Variants in GAPVD1 observed in about 807,000 individuals in gnomAD.
GAPVD1 encodes the protein GTPase activating protein and VPS9 domains 1.
A neutral mutation model predicts 155.5 loss-of-function variants in GAPVD1; 35 were observed. The observed-to-expected ratio is 0.23, with a 90% CI of 0.17 to 0.30. GAPVD1 has a LOEUF of 0.30. Ranked by LOEUF, GAPVD1 falls within the 10% of genes least tolerant of loss-of-function variation. The pLI is 1.00. For missense variants in GAPVD1, 1,429 were observed against 1,775.7 expected, an observed-to-expected ratio of 0.80 and a Z score of 3.51; for synonymous variants, 636 against 619.7, an observed-to-expected ratio of 1.03 and a Z score of -0.39.
intron 2 of GAPVD1, among the ~76,000 whole-genome samples, chr9:125,290,890 G>A (rs546755449): frequency 6.6e-6 from 1 of 151,728 alleles, no homozygotes; most frequent in East Asian, 1.9e-4. Context: ...GCCTCTGGAT[G>A]CTGAGGTAGA....
At chr9:125,263,111 T>TA (rs1833206057) in intron 1 of GAPVD1, among the ~76,000 whole-genome samples, 1 of 152,232 alleles carries the variant, frequency 6.6e-6, no homozygotes, top group Admixed American at 6.5e-5. Flanking sequence ...TGTATTTAAT[T>TA]ATGCACTTAA....
intron 3 of GAPVD1, among the ~76,000 whole-genome samples, chr9:125,296,101 T>C (rs1315056993): frequency 6.6e-6 from 1 of 152,094 alleles, no homozygotes; most frequent in Non-Finnish European, 1.5e-5. Context: ...TATATTTAGC[T>C]ATATTTAAAA....
chr9:125,340,531 T>C (rs1279974446), intron 17 of GAPVD1, among the ~76,000 whole-genome samples: 5 of 152,172 alleles, frequency 3.3e-5, no homozygotes, highest in Admixed American at 6.5e-5. Flanking sequence ...ACTGTAAAGA[T>C]TAAATGAGAT....
At chr9:125,336,299 AAAAAAAC>A (rs954533659) in intron 15 of GAPVD1, among the ~76,000 whole-genome samples, 14 of 151,206 alleles carry the variant, frequency 9.3e-5, no homozygotes, top group African/African-American at 1.9e-4. Context: ...CCAAAAAAAA[AAAAAAAC>A]AAAAAACAAA....
At chr9:125,353,245 G>A (rs1025740492) in intron 23 of GAPVD1, among the ~76,000 whole-genome samples, 1 of 152,120 alleles carries the variant, frequency 6.6e-6, no homozygotes, top group African/African-American at 2.4e-5. Context: ...TAGGGCAAGG[G>A]CAAAATGCCA....
chr9:125,294,677 T>C (rs1226067109), intron 2 of GAPVD1, among the ~76,000 whole-genome samples: 5 of 151,438 alleles, frequency 3.3e-5, no homozygotes, highest in Non-Finnish European at 5.9e-5. Context: ...TTTCAAACTT[T>C]CCTATGGTGC....
intron 3 of GAPVD1, among the ~76,000 whole-genome samples, chr9:125,297,934 C>T (rs921466162): frequency 3.9e-5 from 6 of 152,060 alleles, no homozygotes; most frequent in East Asian, 3.9e-4. Context: ...TTAGTAGAAA[C>T]GGGGTTTCAT....
rs1157752085 is a variant in GAPVD1 at position 125,354,805 on chromosome 9, G to A, written c.3721G>A (p.Glu1241Lys). ...CACTGTCTGTGTGAGATTACTGCTTGAGAGCAAAGAAAAGAAGATCAGGGA... is the reference window on the plus strand; with the variant it reads ...CACTGTCTGTGTGAGATTACTGCTTAAGAGCAAAGAAAAGAAGATCAGGGA... ...FTTVCVRLLLESKEKKIREFI... is the reference protein window; with the variant it reads ...FTTVCVRLLLKSKEKKIREFI... Residue 1241 changes from glutamate (E) to lysine (K), a missense_variant, in exon 24 of 28, where the codon GAG becomes AAG. Glu to Lys is a moderately conservative substitution (Grantham distance 56). Around this residue, in one of 4 missense-constraint regions of GAPVD1, gnomAD observed 699 missense variants for 826.0 expected, o/e 0.85. Coordinates refer to ENST00000297933, the MANE Select transcript of GAPVD1 (RefSeq NM_001282680.3). 28 of 1,613,794 alleles carry A rather than the reference G, an allele frequency of 1.7e-5. No homozygotes were observed. Among genetic ancestry groups the A allele is most frequent in the Non-Finnish European group, 2.2e-5 (26 of 1,179,810 alleles).
At chr9:125,293,852 T>TTATATATATAAATATATTATATATA (rs1839179851) in intron 2 of GAPVD1, among the ~76,000 whole-genome samples, 1 of 35,196 alleles carries the variant, frequency 2.8e-5, no homozygotes, top group African/African-American at 1.6e-4. Context: ...AAAATATATT[T>TTATATATATAAATATATTATATATA]TATATATATA....
chr9:125,275,342 C>T (rs1835599330), intron 2 of GAPVD1, among the ~76,000 whole-genome samples: 1 of 152,228 alleles, frequency 6.6e-6, no homozygotes, highest in Non-Finnish European at 1.5e-5. Flanking sequence ...TCCCAAAATG[C>T]TGGGATTACA....
chr9:125,305,072 C>T lies in GAPVD1; in HGVS notation c.1039C>T (p.Leu347Phe), dbSNP rs779014805. 6.2e-7 allele frequency: 1 copy of T among 1,613,474 alleles called. No homozygotes were observed. Among genetic ancestry groups the T allele is most frequent in the African/African-American group, 1.3e-5 (1 of 74,914 alleles). Residue 347 changes from leucine (L) to phenylalanine (F), a missense_variant, in exon 6 of 28, where the codon CTT becomes TTT. By Grantham distance (22) the Leu-to-Phe change is conservative. Around this residue, in one of 4 missense-constraint regions of GAPVD1, gnomAD observed 628 missense variants for 733.4 expected, o/e 0.86. Coordinates refer to ENST00000297933, the MANE Select transcript of GAPVD1 (RefSeq NM_001282680.3). ...CTGCTTTGGGTTGCAGGTAGGCCGC[C>T]TTTTGCAGCAGTTAGCAATGACTGG... ...ARFNLMQVGR[L>F]LQQLAMTGSE... is the part of the protein sequence containing the mutation.
At chr9:125,269,283 T>C (rs1834488251) in intron 2 of GAPVD1, among the ~76,000 whole-genome samples, 1 of 152,142 alleles carries the variant, frequency 6.6e-6, no homozygotes, top group Non-Finnish European at 1.5e-5. Flanking sequence ...AATTTTCAAA[T>C]GTTTAGTTGA....
Position 125,342,365 on chromosome 9 carries a change from T to A in GAPVD1, c.3046+66T>A, listed in dbSNP as rs1003375826. 1.9e-5 allele frequency: 17 copies of A among 899,046 alleles called. No individual in the cohort carries two copies. In the Admixed American group the frequency reaches 2.3e-4, roughly 12 times the overall value. The allele number at this position is 899,046 out of a possible 1,614,324, so 55.7% of individuals were successfully genotyped here. A position where few individuals can be genotyped will look rare whatever the true frequency, so the allele number is the denominator to read the frequency against. ...AGCACATATTTCATAACACTTTTTCTTGGGTGCCATAAGCGTTGCCTTTCT... is the reference window on the plus strand; with the variant it reads ...AGCACATATTTCATAACACTTTTTCATGGGTGCCATAAGCGTTGCCTTTCT... On this transcript the variant is annotated intron_variant, in intron 19 of 27. Coordinates refer to ENST00000297933, the MANE Select transcript of GAPVD1 (RefSeq NM_001282680.3).
chr9:125,277,841 AT>A (rs949427928), intron 2 of GAPVD1, among the ~76,000 whole-genome samples: 1 of 151,680 alleles, frequency 6.6e-6, no homozygotes, highest in African/African-American at 2.4e-5. Context: ...TAATTTTTAA[AT>A]TTTTTTATAG....
intron 2 of GAPVD1, among the ~76,000 whole-genome samples, chr9:125,287,500 C>T (rs1837895289): frequency 6.6e-6 from 1 of 152,068 alleles, no homozygotes; most frequent in African/African-American, 2.4e-5. Context: ...AGAGCAAGAC[C>T]TTGTCTCAAA....
chr9:125,303,531 C>G (rs1341785016), intron 5 of GAPVD1, among the ~76,000 whole-genome samples: 1 of 150,752 alleles, frequency 6.6e-6, no homozygotes, highest in African/African-American at 2.4e-5. Flanking sequence ...AATCCCAGCA[C>G]TTTGGGAGGC....
In GAPVD1 at chr9:125,263,215, C is replaced by T. The variant is rs186168446; in HGVS notation, c.-199+1256C>T. 2.3e-3 allele frequency among the ~76,000 whole-genome samples: 345 copies of T among 152,286 alleles called. 2 individuals are homozygous for T. The highest frequency in any genetic ancestry group is 3.3e-3 in the Non-Finnish European group (226 of 68,024). ...GAACTCCTGAAATAATTTGGGAGGC[C>T]GAGGCGGGCGGATCATTGAGGTCAA... On this transcript the variant is annotated intron_variant, in intron 1 of 27. Coordinates refer to ENST00000297933, the MANE Select transcript of GAPVD1 (RefSeq NM_001282680.3).
At chr9:125,336,290 CAA>C (rs34270139) in intron 15 of GAPVD1, among the ~76,000 whole-genome samples, 71,428 of 129,044 alleles carry the variant, frequency 0.55, 17,883 homozygotes, top group African/African-American at 0.62. Context: ...AGCTTGAGAC[CAA>C]AAAAAAAAAA....
chr9:125,269,457 C>T (rs752776061), intron 2 of GAPVD1, among the ~76,000 whole-genome samples: 3 of 151,726 alleles, frequency 2.0e-5, no homozygotes, highest in Non-Finnish European at 4.4e-5. Flanking sequence ...ACTTTAACTC[C>T]TTAAGTAATC....
Sources: allele counts gnomAD v4.1 joint callset (sites outside exome capture counted in the v4.1 genomes callset), GRCh38; gene constraint gnomAD v4.1.1; regional missense constraint gnomAD v4.1.1; transcripts MANE v1.5; gene names NCBI Gene and HGNC (gene_info 2026-07-23, HGNC 2026-07-21).